Variants in TMC3 observed in about 807,000 individuals in gnomAD.
TMC3 encodes transmembrane channel like 3.
Under a neutral mutation model 110.6 loss-of-function variants are expected in TMC3, and 98 were observed. The ratio of observed to expected loss-of-function variants is 0.89; its 90% confidence interval spans 0.75 to 1.05. The LOEUF (loss-of-function observed/expected upper bound fraction) is 1.05. Among genes scored for constraint, TMC3 ranks in the 50% least tolerant of loss-of-function variants. The pLI is 0.00. For synonymous variants in TMC3, 489 were observed against 513.1 expected (o/e 0.95, Z 0.63); for missense variants, 1,319 against 1,373.2 (o/e 0.96, Z 0.62).
intron 9 of TMC3, 112 bp from the exon 10 acceptor site, chr15:81,351,953 C>G (rs1450850523): frequency 3.8e-6 from 5 of 1,301,398 alleles, no homozygotes; most frequent in Non-Finnish European, 5.3e-6. Context: ...AGAGGATTCT[C>G]TGCCCTGAAG....
chr15:81,337,713 C>A lies in TMC3; in HGVS notation c.2160+133G>T, dbSNP rs988606293. On this transcript the variant is annotated intron_variant, in intron 19 of 21. Coordinates refer to ENST00000359440, the MANE Select transcript of TMC3 (RefSeq NM_001080532.3). ...CTCTTGGACATCTGGGGATTGGTGG[C>A]CTTGCACCATAGTGGGTGGCCAAGA... The A allele has an allele frequency of 1.2e-5, 9 of 738,674 alleles. No individual in the cohort carries two copies. The African/African-American group carries it at 1.6e-4, about 13-fold the overall frequency. The allele number at this position is 738,674 out of a possible 1,614,324, so 45.8% of individuals were successfully genotyped here. A position where few individuals can be genotyped will look rare whatever the true frequency, so the allele number is the denominator to read the frequency against.
At chr15:81,370,397 C>T (rs767874084) in intron 2 of TMC3, among the ~76,000 whole-genome samples, 3 of 152,128 alleles carry the variant, frequency 2.0e-5, no homozygotes, top group African/African-American at 4.8e-5. Flanking sequence ...AAGAGGATGA[C>T]GGACGAAGGT....
chr15:81,352,815 T>C (rs1893979042), intron 9 of TMC3, among the ~76,000 whole-genome samples: 2 of 152,190 alleles, frequency 1.3e-5, no homozygotes, highest in Admixed American at 6.5e-5. Context: ...TGTTTGTTTG[T>C]TTTTTGTTTG....
intron 11 of TMC3, among the ~76,000 whole-genome samples, chr15:81,347,757 T>G (rs954349011): frequency 6.6e-6 from 1 of 152,252 alleles, no homozygotes; most frequent in African/African-American, 2.4e-5. Flanking sequence ...CGAGGCCAAT[T>G]TATATAATAG....
chr15:81,335,096 A>G (rs1489115999), intron 20 of TMC3, 121 bp from the exon 21 acceptor site: 5 of 1,065,164 alleles, frequency 4.7e-6, no homozygotes, highest in Admixed American at 5.0e-5. Context: ...AATTGAGTGC[A>G]CTTACAAATG....
rs1893493176 is a variant in TMC3, at chr15:81,332,738, G to A, written c.2984C>T (p.Ser995Leu). 2 of 1,613,466 alleles carry A rather than the reference G, an allele frequency of 1.2e-6. No individual in the cohort carries two copies. Among genetic ancestry groups the A allele is most frequent in the Non-Finnish European group, 1.7e-6 (2 of 1,179,744 alleles). ...PEHQGRVHYK[S>L]WNEDFEGHLE... ...GTGACCCTCAAAATCTTCATTCCAC[G>A]ACTTGTAGTGCACCCTCCCCTGGTG... The change falls in exon 22 of 22, where the codon TCG becomes TTG. Residue 995 changes from serine to leucine, a missense_variant. Physicochemically the swap from Ser to Leu is moderately radical, Grantham distance 145. Coordinates refer to ENST00000359440, the MANE Select transcript of TMC3 (RefSeq NM_001080532.3).
At position 81,332,387 on chromosome 15, in the gene TMC3, C is replaced by T; in HGVS notation, c.*32G>A. 1 of 1,562,390 alleles carries T rather than the reference C, an allele frequency of 6.4e-7. No individual in the cohort carries two copies. Among genetic ancestry groups the T allele is most frequent in the Non-Finnish European group, 8.7e-7 (1 of 1,151,736 alleles). On this transcript the variant is annotated 3_prime_UTR_variant, in exon 22 of 22. Coordinates refer to ENST00000359440, the MANE Select transcript of TMC3 (RefSeq NM_001080532.3). ...GCTGGCCCAGCACTCCAACAGGGGC[C>T]TGACCTCTAGGAACGGGACACTGGA...
chr15:81,364,229 A>T (rs1894255234), intron 3 of TMC3, among the ~76,000 whole-genome samples: 1 of 152,148 alleles, frequency 6.6e-6, no homozygotes, highest in Admixed American at 6.5e-5. Context: ...GTTAGAGAGC[A>T]CTGGACTGAA....
intron 1 of TMC3, 105 bp downstream of exon 1, chr15:81,373,884 G>A: frequency 9.4e-7 from 1 of 1,063,050 alleles, no homozygotes; most frequent in Non-Finnish European, 1.4e-6. Context: ...CATTCTGAAG[G>A]ACAACTGAGC....
At chr15:81,364,683 A>T (rs1271255527) in intron 3 of TMC3, among the ~76,000 whole-genome samples, 2 of 70,558 alleles carry the variant, frequency 2.8e-5, no homozygotes, top group African/African-American at 7.1e-5. Flanking sequence ...AAAGTATAAT[A>T]AAAAAAAACA....
chr15:81,352,520 ATGAAT>A (rs1893972896), intron 9 of TMC3, among the ~76,000 whole-genome samples: 1 of 152,238 alleles, frequency 6.6e-6, no homozygotes, highest in South Asian at 2.1e-4. Context: ...ATATTTGATA[ATGAAT>A]TAAATGACTG....
At chr15:81,335,051 A>C in intron 20 of TMC3, 76 bp from the exon 21 acceptor site, 1 of 1,537,300 alleles carries the variant, frequency 6.5e-7, no homozygotes, top group Non-Finnish European at 8.9e-7. Flanking sequence ...TTGAGTTGCA[A>C]GGGTTTTATG....
rs71153571 is a variant in TMC3, at chr15:81,364,700, CAA to C, written c.313-2401_313-2400del. On this transcript the variant is annotated intron_variant, in intron 3 of 21. Transcript: ENST00000359440. The stretch of plus-strand genomic sequence containing the variant: ...AGTATAATAAAAAAAAACATTATTC[CAA>C]AAAAAAAAAAATAAAAAATAAAACT... Among the ~76,000 whole-genome samples, 214 of 110,364 alleles carry C rather than the reference CAA, an allele frequency of 1.9e-3. 1 individual carries two copies. Among genetic ancestry groups the C allele is most frequent in the African/African-American group, 5.8e-3 (192 of 32,882 alleles). The allele number at this position is 110,364 out of a possible 152,430, so 72.4% of individuals were successfully genotyped here.
At chr15:81,373,264 AG>A (rs1198454299) in intron 1 of TMC3, among the ~76,000 whole-genome samples, 2 of 152,218 alleles carry the variant, frequency 1.3e-5, no homozygotes, top group Non-Finnish European at 2.9e-5. Flanking sequence ...AGGCAGAGCC[AG>A]GCAAAGCAAT....
intron 11 of TMC3, 83 bp from the exon 12 acceptor site, chr15:81,346,526 C>T: frequency 2.2e-6 from 3 of 1,355,180 alleles, no homozygotes; most frequent in African/African-American, 2.9e-5. Context: ...GTTCTAAAGA[C>T]TGTCATGGAT....
intron 8 of TMC3, 42 bp downstream of exon 8, chr15:81,356,405 G>A: frequency 6.5e-7 from 1 of 1,545,020 alleles, no homozygotes; most frequent in Non-Finnish European, 8.7e-7. Context: ...CTCTGACCCT[G>A]AGCTGCCCAC....
intron 9 of TMC3, among the ~76,000 whole-genome samples, chr15:81,352,922 C>T (rs557092422): frequency 1.3e-5 from 2 of 152,040 alleles, no homozygotes; most frequent in Non-Finnish European, 2.9e-5. Flanking sequence ...TGGGTTCAAG[C>T]GATTCTCCTG....
chr15:81,331,756 T>A lies in TMC3; in HGVS notation c.*663A>T, dbSNP rs1449649231. ...GGCGAGTGGGCTCAAACATGCGCAC[T>A]AAGAGACAAAATGGAGCATTCCCCT... On this transcript the variant is annotated 3_prime_UTR_variant, in exon 22 of 22. Transcript: ENST00000359440. 6.6e-6 allele frequency: 1 copy of A among 152,118 alleles called. No homozygotes were observed. 9.4% of individuals were successfully genotyped at this position (152,118 alleles called of 1,614,324 possible). A position where few individuals can be genotyped will look rare whatever the true frequency, so the allele number is the denominator to read the frequency against.
intron 9 of TMC3, among the ~76,000 whole-genome samples, chr15:81,353,172 TAAAG>T (rs1893988303): frequency 6.7e-6 from 1 of 149,122 alleles, no homozygotes; most frequent in African/African-American, 2.4e-5. Flanking sequence ...AAATTAAAAA[TAAAG>T]CTTATAGAAT....
Sources: allele counts gnomAD v4.1 joint callset (sites outside exome capture counted in the v4.1 genomes callset), GRCh38; gene constraint gnomAD v4.1.1; transcripts MANE v1.5; gene names NCBI Gene and HGNC (gene_info 2026-07-23, HGNC 2026-07-21).